The following PDGFD variants were observed in gnomAD, a reference collection of about 807,000 sequenced individuals.
The protein encoded by PDGFD is platelet derived growth factor D.
PDGFD carries 30 observed loss-of-function variants against 44.7 expected under a neutral mutation model. That is an observed-to-expected ratio of 0.67 (90% CI 0.50 to 0.91). The LOEUF is 0.91. Ranked by LOEUF, PDGFD falls within the 40% of genes least tolerant of loss-of-function variation. The pLI is 0.00. For synonymous variants in PDGFD, 173 were observed against 168.4 expected (o/e 1.03, Z -0.21); for missense variants, 445 against 457.8 (o/e 0.97, Z 0.25).
intron 3 of PDGFD, among the ~76,000 whole-genome samples, chr11:103,954,999 C>T (rs1858816283): frequency 6.7e-6 from 1 of 150,304 alleles, no homozygotes; most frequent in South Asian, 2.1e-4. Flanking sequence ...CCCGTCTCTA[C>T]TAAAAATACA....
chr11:104,063,850 A>G (rs1860749116), intron 1 of PDGFD, among the ~76,000 whole-genome samples: 3 of 152,146 alleles, frequency 2.0e-5, no homozygotes, highest in Admixed American at 1.3e-4. Context: ...ACATATGGAG[A>G]TTACAATTTG....
intron 1 of PDGFD, among the ~76,000 whole-genome samples, chr11:104,053,768 C>T (rs1860578230): frequency 6.6e-6 from 1 of 152,116 alleles, no homozygotes; most frequent in South Asian, 2.1e-4. Flanking sequence ...AGTGCTGAGA[C>T]ACAAAATAAC....
intron 1 of PDGFD, among the ~76,000 whole-genome samples, chr11:104,019,195 G>T (rs1441226164): frequency 6.6e-6 from 1 of 152,162 alleles, no homozygotes; most frequent in Non-Finnish European, 1.5e-5. Flanking sequence ...GAAAGGCTAA[G>T]GATTATATTT....
intron 1 of PDGFD, among the ~76,000 whole-genome samples, chr11:104,162,422 C>A (rs12418689): frequency 0.23 from 30,726 of 131,116 alleles, 3,101 homozygotes; most frequent in Middle Eastern, 0.33. Flanking sequence ...CAAAAAACCA[C>A]ACAGTTTGGT....
At chr11:103,940,220 T>C (rs1240056361) in intron 5 of PDGFD, among the ~76,000 whole-genome samples, 1 of 152,084 alleles carries the variant, frequency 6.6e-6, no homozygotes, top group Admixed American at 6.6e-5. Context: ...AACCTTCATA[T>C]TTTAAATATT....
At position 104,027,918 on chromosome 11, in the gene PDGFD, C is replaced by T. The variant is rs545628066; in HGVS notation, c.125-27663G>A. ...TAGATTAAAAAGCATAGGCCGGGCG[C>T]GGTGGCTCACGCTTGTAATCTCAGC... is the stretch of plus-strand genomic sequence containing the variant. On this transcript the variant is annotated intron_variant, in intron 1 of 6. Transcript: ENST00000393158. Among the ~76,000 whole-genome samples the T allele has an allele frequency of 1.6e-4, 24 of 152,172 alleles. No homozygotes were observed. In the South Asian group the frequency reaches 4.4e-3, roughly 28 times the overall value.
chr11:103,975,436 T>C (rs1037670982), intron 3 of PDGFD, among the ~76,000 whole-genome samples: 3 of 152,206 alleles, frequency 2.0e-5, no homozygotes, highest in Admixed American at 2.0e-4. Context: ...TCCCATTCTG[T>C]AGGTTGCCTG....
intron 1 of PDGFD, among the ~76,000 whole-genome samples, chr11:104,119,883 A>G (rs1327102389): frequency 2.1e-4 from 19 of 89,014 alleles, no homozygotes; most frequent in Non-Finnish European, 3.9e-4. Context: ...CAATTATTAT[A>G]TAGTACATAA....
chr11:104,079,544 C>T (rs543321960), intron 1 of PDGFD, among the ~76,000 whole-genome samples: 1 of 152,142 alleles, frequency 6.6e-6, no homozygotes, highest in South Asian at 2.1e-4. Context: ...CCTGCCGCCA[C>T]GCTCAGCTAA....
rs754282775 is a variant in PDGFD, at chr11:104,037,227, C to T, written c.125-36972G>A. 4.1e-5 allele frequency: 66 copies of T among 1,613,602 alleles called. No individual in the cohort carries two copies. In the South Asian group the frequency reaches 6.9e-4, roughly 17 times the overall value. On this transcript the variant is annotated intron_variant, in intron 1 of 6. Coordinates refer to ENST00000393158, the MANE Select transcript of PDGFD (RefSeq NM_025208.5). Reference sequence around the variant, plus strand: ...GCTTGGCGTCAGGAGAGAAGGTGGCCGGCCTGCAAGGTCTGGGCAGCCCCG... The same window carrying T: ...GCTTGGCGTCAGGAGAGAAGGTGGCTGGCCTGCAAGGTCTGGGCAGCCCCG...
intron 1 of PDGFD, among the ~76,000 whole-genome samples, chr11:104,099,740 T>A (rs1457416115): frequency 2.0e-5 from 3 of 151,410 alleles, no homozygotes; most frequent in East Asian, 1.9e-4. Flanking sequence ...AATTGCTTCA[T>A]TTACTATTCT....
intron 3 of PDGFD, among the ~76,000 whole-genome samples, chr11:103,987,378 C>T (rs1016707096): frequency 2.0e-5 from 3 of 152,112 alleles, no homozygotes; most frequent in Admixed American, 2.0e-4. Context: ...AGTCCACCTG[C>T]TAAGCACAAT....
intron 1 of PDGFD, among the ~76,000 whole-genome samples, chr11:104,123,779 T>G (rs1861808313): frequency 6.6e-6 from 1 of 152,110 alleles, no homozygotes; most frequent in Admixed American, 6.6e-5. Context: ...TTCATGGGAT[T>G]TTAAATTTCT....
chr11:104,017,853 C>T (rs260848), intron 1 of PDGFD, among the ~76,000 whole-genome samples: 1 of 151,960 alleles, frequency 6.6e-6, no homozygotes. Flanking sequence ...AGAGCACCAT[C>T]GATAAGATCC....
chr11:104,116,343 T>C (rs1323331380), intron 1 of PDGFD, among the ~76,000 whole-genome samples: 2 of 152,066 alleles, frequency 1.3e-5, no homozygotes, highest in Non-Finnish European at 2.9e-5. Flanking sequence ...TGACTGTAAG[T>C]ATTTGGGTTT....
intron 1 of PDGFD, among the ~76,000 whole-genome samples, chr11:104,053,560 T>C (rs544139648): frequency 1.3e-5 from 2 of 152,226 alleles, no homozygotes; most frequent in Admixed American, 6.5e-5. Flanking sequence ...GTAATAACTA[T>C]AAATTGCAGA....
intron 6 of PDGFD, among the ~76,000 whole-genome samples, chr11:103,911,492 A>G (rs138582400): frequency 6.6e-6 from 1 of 152,320 alleles, no homozygotes; most frequent in East Asian, 1.9e-4. Flanking sequence ...ATCAAAGACC[A>G]AAGGTAAATA....
chr11:104,060,742 G>A (rs1330647848), intron 1 of PDGFD, among the ~76,000 whole-genome samples: 5 of 152,224 alleles, frequency 3.3e-5, no homozygotes, highest in East Asian at 3.9e-4. Flanking sequence ...GCTTCTGTGC[G>A]TGTATTTTTT....
rs140276694 is a variant in PDGFD, at chr11:104,007,787, T to C, written c.125-7532A>G. Among the ~76,000 whole-genome samples the C allele has an allele frequency of 3.0e-3, 458 of 152,376 alleles. 4 individuals carry two copies. The highest frequency in any genetic ancestry group is 0.01 in the African/African-American group (430 of 41,594). ...GCAGTAATGTTTGCCCAGAATGTAGTTGAATGATATGTAAACTATATAGTC... is the reference window on the plus strand; with the variant it reads ...GCAGTAATGTTTGCCCAGAATGTAGCTGAATGATATGTAAACTATATAGTC... On this transcript the variant is annotated intron_variant, in intron 1 of 6. Transcript: ENST00000393158.
Sources: gnomAD v4.1 joint callset for allele counts (sites outside exome capture counted in the v4.1 genomes callset) on GRCh38, gnomAD v4.1.1 for gene constraint, MANE v1.5 for transcripts, NCBI Gene and HGNC (gene_info 2026-07-23, HGNC 2026-07-21) for gene names.